The following TENM3 variants were observed in gnomAD, a reference collection of about 807,000 sequenced individuals.
TENM3 encodes the protein teneurin-3.
A neutral mutation model predicts 255.1 loss-of-function variants in TENM3; 63 were observed. That is an observed-to-expected ratio of 0.25 (90% CI 0.20 to 0.30). The LOEUF is 0.30. Among genes scored for constraint, TENM3 ranks in the 10% least tolerant of loss-of-function variants. The pLI is 1.00. For missense variants in TENM3, 2,929 were observed against 3,461.1 expected (o/e 0.85, Z 3.86); for synonymous variants, 1,306 against 1,322.3 (o/e 0.99, Z 0.27).
chr4:181,729,337 G>T, the TENM3 span, among the ~76,000 whole-genome samples: 1 of 152,118 alleles, frequency 6.6e-6, no homozygotes, highest in Non-Finnish European at 1.5e-5. Flanking sequence ...TGCTCTAAAC[G>T]TGCTTGCCAG....
chr4:181,527,007 G>A, the TENM3 span, among the ~76,000 whole-genome samples: 1 of 152,066 alleles, frequency 6.6e-6, no homozygotes, highest in African/African-American at 2.4e-5. Flanking sequence ...GGTCCTCCTT[G>A]CTCAGTGACT....
chr4:181,826,427 T>C, the TENM3 span, among the ~76,000 whole-genome samples: 1 of 152,216 alleles, frequency 6.6e-6, no homozygotes, highest in African/African-American at 2.4e-5. Flanking sequence ...TGTAATTTAT[T>C]TGTCTCACAA....
chr4:182,127,007 A>G, the TENM3 span, among the ~76,000 whole-genome samples: 1 of 152,250 alleles, frequency 6.6e-6, no homozygotes, highest in African/African-American at 2.4e-5. Flanking sequence ...GTATAAATGC[A>G]TATGTGGTAT....
At chr4:182,081,211 C>T in the TENM3 span, among the ~76,000 whole-genome samples, 1 of 152,066 alleles carries the variant, frequency 6.6e-6, no homozygotes. Flanking sequence ...TTAGGTAATA[C>T]TCTTCTTGAA....
At chr4:182,264,029 A>G (rs1392913463) in intron 1 of TENM3, among the ~76,000 whole-genome samples, 1 of 152,200 alleles carries the variant, frequency 6.6e-6, no homozygotes, top group African/African-American at 2.4e-5. Flanking sequence ...GGGAACCCAG[A>G]AGCCTGGCTT....
chr4:181,806,356 CTG>C, the TENM3 span, among the ~76,000 whole-genome samples: 8 of 152,184 alleles, frequency 5.3e-5, no homozygotes, highest in African/African-American at 1.9e-4. Flanking sequence ...ACTGTGCTAC[CTG>C]TCTCTTGTAC....
At chr4:182,366,235 A>AT (rs1225765374) in intron 3 of TENM3, among the ~76,000 whole-genome samples, 6 of 151,860 alleles carry the variant, frequency 4.0e-5, no homozygotes, top group East Asian at 3.9e-4. Context: ...GATATAAAGG[A>AT]TTTTTTTTAC....
the TENM3 span, among the ~76,000 whole-genome samples, chr4:181,838,397 C>CT: frequency 6.6e-6 from 1 of 152,096 alleles, no homozygotes; most frequent in Non-Finnish European, 1.5e-5. Flanking sequence ...TGTTAATATA[C>CT]TTTTTTGTCG....
At chr4:182,332,208 A>G (rs1763803232) in intron 2 of TENM3, among the ~76,000 whole-genome samples, 1 of 152,148 alleles carries the variant, frequency 6.6e-6, no homozygotes, top group Non-Finnish European at 1.5e-5. Flanking sequence ...AATAACAAAA[A>G]GATAAATGAA....
At chr4:181,641,805 C>CATACATATAT in the TENM3 span, among the ~76,000 whole-genome samples, 66 of 31,438 alleles carry the variant, frequency 2.1e-3, 1 homozygote, top group African/African-American at 8.1e-3. Context: ...ACACACACAC[C>CATACATATAT]ATATATATAT....
chr4:182,459,790 C>T (rs559189244), intron 3 of TENM3, among the ~76,000 whole-genome samples: 93 of 152,150 alleles, frequency 6.1e-4, no homozygotes, highest in Non-Finnish European at 1.0e-3. Context: ...GTCATTAATA[C>T]TGATTAATAC....
At chr4:181,683,219 T>G in the TENM3 span, among the ~76,000 whole-genome samples, 4 of 152,116 alleles carry the variant, frequency 2.6e-5, no homozygotes, top group East Asian at 7.7e-4. Context: ...TCAATTATTG[T>G]GTAAAACCTC....
intron 22 of TENM3, among the ~76,000 whole-genome samples, chr4:182,761,524 C>T (rs1198244195): frequency 6.6e-6 from 1 of 152,136 alleles, no homozygotes; most frequent in Admixed American, 6.6e-5. Context: ...AACTGAAACA[C>T]TGAACCTTGC....
the TENM3 span, among the ~76,000 whole-genome samples, chr4:181,638,421 C>A: frequency 2.6e-5 from 4 of 152,326 alleles, no homozygotes; most frequent in South Asian, 6.2e-4. Context: ...GTTTGGGGAT[C>A]ACCCAGTATT....
At chr4:181,681,021 C>G in the TENM3 span, among the ~76,000 whole-genome samples, 1 of 151,972 alleles carries the variant, frequency 6.6e-6, no homozygotes, top group Non-Finnish European at 1.5e-5. Context: ...TCATAGGAAA[C>G]TGTATATGTG....
the TENM3 span, among the ~76,000 whole-genome samples, chr4:181,570,035 C>CTTTTT: frequency 9.7e-5 from 11 of 113,870 alleles, no homozygotes; most frequent in African/African-American, 1.4e-4. Flanking sequence ...ACAAATGTTT[C>CTTTTT]TTTTTTTTTT....
chr4:182,621,635 A>T (rs183368543), intron 4 of TENM3, among the ~76,000 whole-genome samples: 7 of 79,396 alleles, frequency 8.8e-5, no homozygotes, highest in Admixed American at 1.4e-4. Context: ...AAAATATATA[A>T]TATATAATAC....
the TENM3 span, among the ~76,000 whole-genome samples, chr4:181,945,486 C>T: frequency 3.3e-5 from 5 of 152,020 alleles, no homozygotes; most frequent in Admixed American, 3.3e-4. Context: ...GGCTATTTAA[C>T]GGACAAGAGC....
At chr4:181,785,106 G>C in the TENM3 span, among the ~76,000 whole-genome samples, 1 of 152,190 alleles carries the variant, frequency 6.6e-6, no homozygotes, top group African/African-American at 2.4e-5. Flanking sequence ...CTTAAGGGGA[G>C]AGTGAGTTCT....
Sources: allele counts gnomAD v4.1 joint callset (sites outside exome capture counted in the v4.1 genomes callset), GRCh38; gene constraint gnomAD v4.1.1; transcripts MANE v1.5; gene names NCBI Gene and HGNC (gene_info 2026-07-23, HGNC 2026-07-21).